SNX27: variants seen among roughly 807,000 people sequenced by gnomAD.
SNX27 encodes the protein sorting nexin-27.
A neutral mutation model predicts 71.6 loss-of-function variants in SNX27; 22 were observed. The ratio of observed to expected loss-of-function variants is 0.31; its 90% CI spans 0.22 to 0.44. The LOEUF is 0.44. Ranked by LOEUF, SNX27 falls within the 20% of genes least tolerant of loss-of-function variation. SNX27 has a pLI of 1.00. For synonymous variants in SNX27, 269 were observed against 277.2 expected, an observed-to-expected ratio of 0.97 and a Z score of 0.29; for missense variants, 531 against 698.6, an observed-to-expected ratio of 0.76 and a Z score of 2.70.
At chr1:151,646,133 CTT>C (rs1669023675) in intron 2 of SNX27, among the ~76,000 whole-genome samples, 1 of 152,098 alleles carries the variant, frequency 6.6e-6, no homozygotes, top group African/African-American at 2.4e-5. Context: ...GTTCTGAAGT[CTT>C]TCTCTCATAT....
At position 151,649,029 on chromosome 1, in the gene SNX27, C is replaced by T. The variant is rs553233386; in HGVS notation, c.544-9206C>T. 4.6e-5 allele frequency among the ~76,000 whole-genome samples: 7 copies of T among 151,874 alleles called. No individual in the cohort carries two copies. In the South Asian group the frequency reaches 1.5e-3, roughly 32 times the overall value. On this transcript the variant is annotated intron_variant, in intron 2 of 11. Coordinates refer to ENST00000458013, the MANE Select transcript of SNX27 (RefSeq NM_001330723.2). ...CCAGGCTGGAGTTCAGTGGTACGAT[C>T]TCGGCTCACTACAGCCTCTGCCTCC...
Position 151,668,559 on chromosome 1 carries a change from G to A in SNX27, c.1073G>A (p.Arg358Gln), listed in dbSNP as rs890444419. The part of the protein sequence containing the change: ...SAVPGTCLTI[R>Q]KWLFTTEEEI... ...GTGCCAGGCACCTGCTTGACCATTC[G>A]AAAGTGGCTTTTTACAACAGAAGAA... Residue 358 changes from arginine to glutamine, a missense_variant, in exon 7 of 12, where the codon CGA (arginine) becomes CAA (glutamine). Around this residue, in one of 5 missense-constraint regions of SNX27, gnomAD observed 184 missense variants for 289.6 expected, o/e 0.64. Transcript: ENST00000458013. 8 of 1,613,788 alleles carry A rather than the reference G, an allele frequency of 5.0e-6. No individual in the cohort carries two copies. Among genetic ancestry groups the A allele is most frequent in the South Asian group, 4.4e-5 (4 of 91,056 alleles).
chr1:151,625,198 C>T (rs546243375), intron 1 of SNX27, among the ~76,000 whole-genome samples: 2 of 152,206 alleles, frequency 1.3e-5, no homozygotes, highest in Admixed American at 6.5e-5. Context: ...AATTTTTGGA[C>T]GTAGGTGCTT....
intron 7 of SNX27, among the ~76,000 whole-genome samples, chr1:151,673,838 G>C (rs1197644639): frequency 6.6e-6 from 1 of 152,096 alleles, no homozygotes; most frequent in African/African-American, 2.4e-5. Context: ...TATTTTGTCT[G>C]ATATAAGTAT....
intron 7 of SNX27, 88 bp downstream of exon 7, chr1:151,668,723 A>T (rs748466248): frequency 9.6e-6 from 12 of 1,246,424 alleles, no homozygotes; most frequent in Non-Finnish European, 1.2e-5. Flanking sequence ...AAATCCTTAG[A>T]CAGGCTGCTT....
At chr1:151,631,905 G>A (rs1307379425) in intron 1 of SNX27, among the ~76,000 whole-genome samples, 1 of 152,080 alleles carries the variant, frequency 6.6e-6, no homozygotes, top group Non-Finnish European at 1.5e-5. Flanking sequence ...GAACTCCTGG[G>A]CTCAAGTGAT....
rs547708163 is a variant in SNX27, at chr1:151,621,344, T to A, written c.311+8832T>A. Among the ~76,000 whole-genome samples, 17 of 152,344 alleles carry A rather than the reference T, an allele frequency of 1.1e-4. 1 individual carries two copies. In the South Asian group the frequency reaches 3.5e-3, roughly 32 times the overall value. The stretch of plus-strand genomic sequence containing the variant: ...GGAAATGTGCCTTTCTGCAAGGTAT[T>A]GAGTTGCTGAATAAGGAGTTGTATT... On this transcript the variant is annotated intron_variant, in intron 1 of 11. Coordinates refer to ENST00000458013, the MANE Select transcript of SNX27 (RefSeq NM_001330723.2).
At chr1:151,614,318 G>C (rs1036057073) in intron 1 of SNX27, 1 of 152,042 alleles carries the variant, frequency 6.6e-6, no homozygotes, top group Non-Finnish European at 1.5e-5. Flanking sequence ...AGTATTGTCT[G>C]ACAATATATT....
intron 2 of SNX27, among the ~76,000 whole-genome samples, chr1:151,644,506 A>G (rs1486558441): frequency 6.6e-6 from 1 of 152,092 alleles, no homozygotes; most frequent in Non-Finnish European, 1.5e-5. Context: ...ACTTTTATTT[A>G]TCCATTCTTC....
chr1:151,658,695 T>G (rs1158322561), intron 3 of SNX27, among the ~76,000 whole-genome samples: 1 of 150,596 alleles, frequency 6.6e-6, no homozygotes, highest in Non-Finnish European at 1.5e-5. Flanking sequence ...CTAATGGACT[T>G]TTTTTTTTAG....
chr1:151,629,739 G>A (rs574404292), intron 1 of SNX27, among the ~76,000 whole-genome samples: 8 of 151,144 alleles, frequency 5.3e-5, no homozygotes, highest in East Asian at 2.0e-4. Flanking sequence ...CACCATGCCC[G>A]GCTAATTTTT....
chr1:151,633,032 T>C (rs1042500120), intron 1 of SNX27, among the ~76,000 whole-genome samples: 3 of 151,894 alleles, frequency 2.0e-5, no homozygotes, highest in Admixed American at 2.0e-4. Flanking sequence ...CCACTACGCC[T>C]GGCTAATTTT....
chr1:151,691,387 G>A lies in SNX27; in HGVS notation c.1240-1048G>A, dbSNP rs186697637. On this transcript the variant is annotated intron_variant, in intron 8 of 11. Coordinates refer to ENST00000458013, the MANE Select transcript of SNX27 (RefSeq NM_001330723.2). ...ATAGAGGATCAGACTAAACAGAATTGTGAGACCCCTTCTAGCCCTGTGAGT... is the reference window on the plus strand; with the variant it reads ...ATAGAGGATCAGACTAAACAGAATTATGAGACCCCTTCTAGCCCTGTGAGT... Among the ~76,000 whole-genome samples, 102 of 151,946 alleles carry A rather than the reference G, an allele frequency of 6.7e-4. 1 individual carries two copies. The highest frequency in any genetic ancestry group is 2.4e-3 in the African/African-American group (98 of 41,436).
At chr1:151,643,822 G>A (rs115542112) in intron 2 of SNX27, among the ~76,000 whole-genome samples, 3,993 of 151,720 alleles carry the variant, frequency 0.026, 186 homozygotes, top group African/African-American at 0.091. Flanking sequence ...CAGCACGCTC[G>A]GCTAATTTTG....
intron 7 of SNX27, among the ~76,000 whole-genome samples, chr1:151,672,243 G>A (rs1442950028): frequency 2.0e-5 from 3 of 151,960 alleles, no homozygotes; most frequent in South Asian, 2.1e-4. Flanking sequence ...TTTCAGCATC[G>A]GTTGAAATGA....
At chr1:151,687,211 G>A (rs951622674) in intron 8 of SNX27, among the ~76,000 whole-genome samples, 3 of 151,976 alleles carry the variant, frequency 2.0e-5, no homozygotes, top group Non-Finnish European at 2.9e-5. Context: ...GCCTGATTTT[G>A]CCCTTGTTGA....
intron 1 of SNX27, among the ~76,000 whole-genome samples, chr1:151,615,364 T>C (rs576770520): frequency 8.5e-5 from 13 of 152,308 alleles, no homozygotes; most frequent in African/African-American, 3.1e-4. Context: ...TTTCTTTTTT[T>C]TTTTCTTCCT....
At chr1:151,628,041 C>G (rs1668027462) in intron 1 of SNX27, among the ~76,000 whole-genome samples, 1 of 138,824 alleles carries the variant, frequency 7.2e-6, no homozygotes, top group Non-Finnish European at 1.5e-5. Context: ...GAATTTCACT[C>G]TGTCGCCCAG....
chr1:151,631,079 G>A (rs1668209197), intron 1 of SNX27, among the ~76,000 whole-genome samples: 2 of 152,208 alleles, frequency 1.3e-5, no homozygotes, highest in South Asian at 4.1e-4. Flanking sequence ...AGATAGCAAG[G>A]AGGCAGAGTT....
Sources: allele counts gnomAD v4.1 joint callset (sites outside exome capture counted in the v4.1 genomes callset), GRCh38; gene constraint gnomAD v4.1.1; regional missense constraint gnomAD v4.1.1; transcripts MANE v1.5; gene names NCBI Gene and HGNC (gene_info 2026-07-23, HGNC 2026-07-21).